The following DDHD1 variants were observed in gnomAD, a reference collection of about 807,000 sequenced individuals.
The protein encoded by DDHD1 is phospholipase DDHD1.
Under a neutral mutation model 96.4 loss-of-function variants are expected in DDHD1, and 49 were observed. The ratio of observed to expected loss-of-function variants is 0.51; its 90% CI spans 0.40 to 0.64. The LOEUF is 0.64. DDHD1 is among the 30% of genes least tolerant of loss of function. DDHD1 has a pLI of 0.00. For missense variants in DDHD1, 1,106 were observed against 1,161.2 expected (o/e 0.95, Z 0.69); for synonymous variants, 442 against 446.5 (o/e 0.99, Z 0.13).
intron 2 of DDHD1, among the ~76,000 whole-genome samples, chr14:53,101,261 G>A (rs1050668113): frequency 6.6e-6 from 1 of 152,036 alleles, no homozygotes; most frequent in Non-Finnish European, 1.5e-5. Context: ...GATAGCAAAT[G>A]TTCTTTCCTT....
At chr14:53,146,397 G>A (rs962414945) in intron 1 of DDHD1, among the ~76,000 whole-genome samples, 2 of 151,564 alleles carry the variant, frequency 1.3e-5, no homozygotes, top group East Asian at 1.9e-4. Context: ...CCAGCTACTA[G>A]GGAGGCTGAA....
Position 53,153,021 on chromosome 14 carries a change from C to T in DDHD1, c.78G>A (p.Leu26=). The T allele has an allele frequency of 2.6e-6, 4 of 1,514,348 alleles. No individual in the cohort carries two copies. The South Asian group carries it at 3.7e-5, about 14-fold the overall frequency. The allele number at this position is 1,514,348 out of a possible 1,614,324, so 93.8% of individuals were successfully genotyped here. Residue 26 remains leucine (L), a synonymous_variant, in exon 1 of 13, where the codon CTG becomes CTA. Transcript: ENST00000673822. ...CGAACGCTGGCCTCGCGTCTGAGCC[C>T]AGCTCCCAGGCGCCGCCGCCGCCGC... The part of the protein sequence containing the change: ...GRGGGGGAWE[L]GSDARPAFGG...
intron 2 of DDHD1, 71 bp downstream of exon 2, chr14:53,103,612 C>A: frequency 8.0e-7 from 1 of 1,249,040 alleles, no homozygotes; most frequent in Non-Finnish European, 1.1e-6. Flanking sequence ...GTCAAATTTA[C>A]AAACCACTCT....
chr14:53,141,576 C>A (rs1187601570), intron 1 of DDHD1, among the ~76,000 whole-genome samples: 3 of 152,188 alleles, frequency 2.0e-5, no homozygotes, highest in African/African-American at 7.2e-5. Context: ...ACTGGTCACA[C>A]AAAAGTGTTA....
At chr14:53,141,213 G>A (rs1204234268) in intron 1 of DDHD1, among the ~76,000 whole-genome samples, 1 of 152,156 alleles carries the variant, frequency 6.6e-6, no homozygotes, top group African/African-American at 2.4e-5. Flanking sequence ...TACATAGGTA[G>A]AAAGAACAAA....
chr14:53,130,595 A>G (rs1221612651), intron 1 of DDHD1, among the ~76,000 whole-genome samples: 4 of 152,238 alleles, frequency 2.6e-5, no homozygotes, highest in African/African-American at 9.6e-5. Context: ...CATCTCCAGC[A>G]CACAAGAACT....
At chr14:53,125,134 C>A (rs1889330486) in intron 1 of DDHD1, among the ~76,000 whole-genome samples, 2 of 152,316 alleles carry the variant, frequency 1.3e-5, no homozygotes, top group African/African-American at 4.8e-5. Context: ...AATACTGTCA[C>A]AATCTGAGGT....
In DDHD1 at chr14:53,126,732, G is replaced by A. The variant is rs573319179; in HGVS notation, c.839-22876C>T. 1.7e-4 allele frequency among the ~76,000 whole-genome samples: 26 copies of A among 152,224 alleles called. No homozygotes were observed. In the South Asian group the frequency reaches 5.4e-3, roughly 32 times the overall value. ...TTCTCTGGAAAGCTTTTTACTTGAC[G>A]TAGAAGTGGTCATTCCCATCTTTTT... On this transcript the variant is annotated intron_variant, in intron 1 of 12. Coordinates refer to ENST00000673822, the MANE Select transcript of DDHD1 (RefSeq NM_001160148.2).
At chr14:53,131,400 C>T (rs1007561264) in intron 1 of DDHD1, among the ~76,000 whole-genome samples, 5 of 152,196 alleles carry the variant, frequency 3.3e-5, no homozygotes, top group Non-Finnish European at 7.4e-5. Flanking sequence ...CCACAACAGG[C>T]TTTGAAGGGA....
rs566375038 is a variant in DDHD1 at position 53,151,092 on chromosome 14, G to T, written c.838+1169C>A. On this transcript the variant is annotated intron_variant, in intron 1 of 12. Coordinates refer to ENST00000673822, the MANE Select transcript of DDHD1 (RefSeq NM_001160148.2). Reference sequence around the variant, plus strand: ...TTTTAACATTATCAGAATCACTGATGCAATTCAATACCTAGTTATTGAATA... The same window carrying T: ...TTTTAACATTATCAGAATCACTGATTCAATTCAATACCTAGTTATTGAATA... 6.6e-5 allele frequency among the ~76,000 whole-genome samples: 10 copies of T among 152,316 alleles called. No homozygotes were observed. In the South Asian group the frequency reaches 1.0e-3, roughly 16 times the overall value.
rs562364716 is a variant in DDHD1 at position 53,093,452 on chromosome 14, A to G, written c.1013-8T>C. 1.2e-6 allele frequency: 2 copies of G among 1,604,368 alleles called. No homozygotes were observed. Among genetic ancestry groups the G allele is most frequent in the East Asian group, 2.2e-5 (1 of 44,556 alleles). ...ACTTGAAACTATGAACAGCTATTGC[A>G]AAAAGGAAAAGCTAATTTGAAGGTC... On this transcript the variant is annotated splice_region_variant and splice_polypyrimidine_tract_variant and intron_variant, in intron 2 of 12. Coordinates refer to ENST00000673822, the MANE Select transcript of DDHD1 (RefSeq NM_001160148.2).
chr14:53,085,203 T>G (rs1367666335), intron 4 of DDHD1, among the ~76,000 whole-genome samples: 1 of 152,180 alleles, frequency 6.6e-6, no homozygotes, highest in Non-Finnish European at 1.5e-5. Context: ...AGGGCATAGC[T>G]GAACAAAAGG....
At chr14:53,146,631 T>C (rs1891003347) in intron 1 of DDHD1, among the ~76,000 whole-genome samples, 1 of 152,246 alleles carries the variant, frequency 6.6e-6, no homozygotes, top group Admixed American at 6.5e-5. Flanking sequence ...AGTTCTCTGG[T>C]ACAGGCAAGT....
chr14:53,132,298 G>A (rs568950732), intron 1 of DDHD1, among the ~76,000 whole-genome samples: 7 of 152,130 alleles, frequency 4.6e-5, no homozygotes, highest in African/African-American at 9.6e-5. Context: ...TTTCAGGCTG[G>A]CCCCCACGTT....
chr14:53,061,197 T>C lies in DDHD1; in HGVS notation c.1771A>G (p.Lys591Glu), dbSNP rs1451746119. 1 of 1,610,550 alleles carries C rather than the reference T, an allele frequency of 6.2e-7. No homozygotes were observed. Among genetic ancestry groups the C allele is most frequent in the South Asian group, 1.1e-5 (1 of 90,334 alleles). The change falls in exon 8 of 13, where the codon AAG becomes GAG. Residue 591 changes from lysine (K) to glutamate (E), a missense_variant. Physicochemically the swap from Lys to Glu is moderately conservative, Grantham distance 56. This residue lies in a region of DDHD1 where 650 missense variants were observed against 758.8 expected (regional missense o/e 0.86). Transcript: ENST00000673822. ...DELYITKRRL[K>E]EIEERLHGLK... is the part of the protein sequence containing the mutation. ...CCGTGAAGCCGTTCTTCTATTTCCT[T>C]CAGCCTAAGAAGGGGTATGAGATTA... is the stretch of plus-strand genomic sequence containing the variant.
rs35967660 is a variant in DDHD1, at chr14:53,047,007, TAG to T, written c.2522-60_2522-59del. ...AGATTATAATAAAATATGTTCTATA[TAG>T]ACTTACTGGAGTTGAGAGTAAAAAT... On this transcript the variant is annotated intron_variant, in intron 12 of 12. Coordinates refer to ENST00000673822, the MANE Select transcript of DDHD1 (RefSeq NM_001160148.2). 9,204 of 1,354,716 alleles carry T rather than the reference TAG, an allele frequency of 6.8e-3. 509 individuals are homozygous for T. The African/African-American group carries it at 0.12, about 17-fold the overall frequency. The allele number at this position is 1,354,716 out of a possible 1,614,324, so 83.9% of individuals were successfully genotyped here.
rs532609504 is a variant in DDHD1 at position 53,139,667 on chromosome 14, C to T, written c.838+12594G>A. 8.5e-5 allele frequency among the ~76,000 whole-genome samples: 13 copies of T among 152,138 alleles called. No homozygotes were observed. In the South Asian group the frequency reaches 2.3e-3, roughly 27 times the overall value. ...TGCCACTGCACTCCAGCCTCAGCAA[C>T]AGAGTGAGACCCTGTCTCAAAACAA... On this transcript the variant is annotated intron_variant, in intron 1 of 12. Coordinates refer to ENST00000673822, the MANE Select transcript of DDHD1 (RefSeq NM_001160148.2).
rs960832804 is a variant in DDHD1, at chr14:53,046,512, T to C, written c.*256A>G. ...TTACATGCAGTTTACCCAAACCTTCTTCACATCCAGGTCTTGCTTGATTCT... is the reference window on the plus strand; with the variant it reads ...TTACATGCAGTTTACCCAAACCTTCCTCACATCCAGGTCTTGCTTGATTCT... On this transcript the variant is annotated 3_prime_UTR_variant, in exon 13 of 13. Coordinates refer to ENST00000673822, the MANE Select transcript of DDHD1 (RefSeq NM_001160148.2). 3.8e-6 allele frequency: 1 copy of C among 265,466 alleles called. No homozygotes were observed. Among genetic ancestry groups the C allele is most frequent in the Admixed American group, 5.3e-5 (1 of 19,036 alleles). 16.4% of individuals were successfully genotyped at this position (265,466 alleles called of 1,614,324 possible).
At chr14:53,104,026 T>A (rs140578293) in intron 1 of DDHD1, among the ~76,000 whole-genome samples, 170 bp from the exon 2 acceptor site, 86 of 152,350 alleles carry the variant, frequency 5.6e-4, no homozygotes, top group African/African-American at 2.0e-3. Context: ...GAGATATTTA[T>A]CTTGCTCTGT....
Sources: allele counts gnomAD v4.1 joint callset (sites outside exome capture counted in the v4.1 genomes callset), GRCh38; gene constraint gnomAD v4.1.1; regional missense constraint gnomAD v4.1.1; transcripts MANE v1.5; gene names NCBI Gene and HGNC (gene_info 2026-07-23, HGNC 2026-07-21).